The following FILIP1L variants were observed in gnomAD, a reference collection of about 807,000 sequenced individuals.
FILIP1L encodes the protein filamin A-interacting protein 1-like.
Under a neutral mutation model 96.6 loss-of-function variants are expected in FILIP1L, and 55 were observed. That is an observed-to-expected ratio of 0.57 (90% confidence interval 0.46 to 0.71). The LOEUF (loss-of-function observed/expected upper bound fraction) is 0.71, where lower values mean the gene tolerates loss of function less well. FILIP1L is among the 30% of genes least tolerant of loss of function. The pLI is 0.00. For synonymous variants in FILIP1L, 467 were observed against 473.9 expected (o/e 0.99, Z 0.19); for missense variants, 1,304 against 1,321.2 (o/e 0.99, Z 0.20).
intron 4 of FILIP1L, among the ~76,000 whole-genome samples, chr3:99,855,399 G>T (rs1292054577): frequency 6.6e-6 from 1 of 152,126 alleles, no homozygotes; most frequent in Non-Finnish European, 1.5e-5. Context: ...TATAATAGCT[G>T]CCATTCTTTA....
chr3:99,880,265 C>G (rs1291234447), intron 4 of FILIP1L, among the ~76,000 whole-genome samples: 1 of 152,150 alleles, frequency 6.6e-6, no homozygotes, highest in Non-Finnish European at 1.5e-5. Context: ...TTGGGTGCCA[C>G]CTGTCTGGCT....
At chr3:99,845,325 C>G (rs1246650847) in intron 5 of FILIP1L, among the ~76,000 whole-genome samples, 1 of 152,096 alleles carries the variant, frequency 6.6e-6, no homozygotes, top group South Asian at 2.1e-4. Context: ...AGGATTCTAC[C>G]TTTTAAAGAG....
chr3:99,850,811 T>C lies in FILIP1L; in HGVS notation c.865A>G (p.Thr289Ala). The C allele has an allele frequency of 6.2e-7, 1 of 1,614,220 alleles. No individual in the cohort carries two copies. The highest frequency in any genetic ancestry group is 8.5e-7 in the Non-Finnish European group (1 of 1,180,038). ...ARVQEEEQKA[T>A]RLEKELQTQT... ...GTTTGCAGTTCCTTCTCTAGTCTGGTTGCCTTCTGCTCTTCCTCCTGAACT... is the reference window on the plus strand; with the variant it reads ...GTTTGCAGTTCCTTCTCTAGTCTGGCTGCCTTCTGCTCTTCCTCCTGAACT... The change falls in exon 5 of 6, where the codon ACC becomes GCC. Residue 289 changes from threonine (T) to alanine (A), a missense_variant. Transcript: ENST00000477258.
intron 5 of FILIP1L, chr3:99,847,937 C>A: frequency 1.0e-6 from 1 of 998,094 alleles, no homozygotes; most frequent in African/African-American, 1.7e-5. Flanking sequence ...GTAAAAATAA[C>A]AAATTATTTA....
At chr3:100,061,898 T>C (rs2065572864) in intron 1 of FILIP1L, among the ~76,000 whole-genome samples, 1 of 152,122 alleles carries the variant, frequency 6.6e-6, no homozygotes, top group Non-Finnish European at 1.5e-5. Flanking sequence ...TAATACAAAA[T>C]CTGTCATTTT....
At chr3:99,974,720 A>G (rs1361946827) in intron 1 of FILIP1L, among the ~76,000 whole-genome samples, 2 of 152,166 alleles carry the variant, frequency 1.3e-5, no homozygotes, top group Non-Finnish European at 2.9e-5. Context: ...AACAACAACA[A>G]CAACAACAAC....
At chr3:99,881,554 A>C (rs1187907529) in intron 4 of FILIP1L, among the ~76,000 whole-genome samples, 1 of 149,326 alleles carries the variant, frequency 6.7e-6, no homozygotes, top group Non-Finnish European at 1.5e-5. Context: ...TTTTTTTGAG[A>C]CACAGTCTCA....
intron 1 of FILIP1L, among the ~76,000 whole-genome samples, chr3:100,055,187 C>T (rs935477798): frequency 6.6e-6 from 1 of 152,216 alleles, no homozygotes; most frequent in Non-Finnish European, 1.5e-5. Context: ...TCGTCCTACT[C>T]TTATCAATTT....
chr3:100,024,694 T>C (rs909945296), intron 1 of FILIP1L, among the ~76,000 whole-genome samples: 1 of 152,168 alleles, frequency 6.6e-6, no homozygotes, highest in African/African-American at 2.4e-5. Flanking sequence ...TTCTAGCCTC[T>C]CTTATTCAGC....
At chr3:99,955,777 A>G (rs1708303949) in intron 1 of FILIP1L, among the ~76,000 whole-genome samples, 1 of 152,186 alleles carries the variant, frequency 6.6e-6, no homozygotes, top group Non-Finnish European at 1.5e-5. Flanking sequence ...ACATTAGTGT[A>G]TCCTGGAAGG....
At chr3:100,035,627 C>T (rs2065095144) in intron 1 of FILIP1L, among the ~76,000 whole-genome samples, 1 of 152,184 alleles carries the variant, frequency 6.6e-6, no homozygotes, top group Admixed American at 6.5e-5. Flanking sequence ...TGACCTTTTT[C>T]ACCCCACCAA....
At chr3:100,021,490 T>C (rs540748675) in intron 1 of FILIP1L, among the ~76,000 whole-genome samples, 3 of 152,292 alleles carry the variant, frequency 2.0e-5, no homozygotes, top group African/African-American at 7.2e-5. Flanking sequence ...AGAAAATTCC[T>C]GTAATGTTTT....
chr3:99,854,647 G>A (rs760565480), intron 4 of FILIP1L, among the ~76,000 whole-genome samples: 3 of 149,478 alleles, frequency 2.0e-5, no homozygotes, highest in Non-Finnish European at 4.4e-5. Context: ...CCTTTGTTGT[G>A]AATTAAAAAT....
Position 100,068,654 on chromosome 3 carries a change from G to C in FILIP1L, c.-11+45399C>G, listed in dbSNP as rs557220604. ...TTGTTTTTTGTATTTTTGAGACTGA[G>C]TCTTGCTCTGTTACCCAGGCTGGAG... On this transcript the variant is annotated intron_variant, in intron 1 of 5. Transcript: ENST00000477258. Among the ~76,000 whole-genome samples the C allele has an allele frequency of 2.0e-4, 30 of 152,216 alleles. No individual in the cohort carries two copies. The South Asian group carries it at 2.5e-3, about 13-fold the overall frequency.
intron 1 of FILIP1L, among the ~76,000 whole-genome samples, chr3:100,001,396 T>G (rs936445268): frequency 2.0e-5 from 3 of 152,212 alleles, no homozygotes; most frequent in African/African-American, 7.2e-5. Context: ...TATTACTATC[T>G]GGCTTTTTAG....
At chr3:99,893,301 G>T (rs1706148177) in intron 4 of FILIP1L, among the ~76,000 whole-genome samples, 1 of 151,832 alleles carries the variant, frequency 6.6e-6, no homozygotes, top group African/African-American at 2.4e-5. Context: ...GAGTAGCTGG[G>T]ACTACAGGCG....
At chr3:99,833,091 C>T (rs1240162569) in intron 5 of FILIP1L, 3 of 704,204 alleles carry the variant, frequency 4.3e-6, no homozygotes, top group Non-Finnish European at 7.5e-6. Context: ...TCCTGGGTTT[C>T]ATCAAAGAGC....
At chr3:100,084,271 T>A (rs1323444784) in intron 1 of FILIP1L, among the ~76,000 whole-genome samples, 1 of 152,172 alleles carries the variant, frequency 6.6e-6, no homozygotes, top group Non-Finnish European at 1.5e-5. Context: ...TCCCTTTTAG[T>A]CTCCTACCTG....
chr3:99,994,791 T>C (rs1709626844), intron 1 of FILIP1L, among the ~76,000 whole-genome samples: 1 of 152,088 alleles, frequency 6.6e-6, no homozygotes, highest in Non-Finnish European at 1.5e-5. Context: ...ATGAGGAAGA[T>C]GCAAAAGCAG....
Sources: gnomAD v4.1 joint callset for allele counts (sites outside exome capture counted in the v4.1 genomes callset) on GRCh38, gnomAD v4.1.1 for gene constraint, MANE v1.5 for transcripts, NCBI Gene and HGNC (gene_info 2026-07-23, HGNC 2026-07-21) for gene names.